The following RNF6 variants were observed in gnomAD, a reference collection of about 807,000 sequenced individuals.
The protein encoded by RNF6 is ring finger protein 6.
RNF6 carries 21 observed loss-of-function variants against 50.1 expected under a neutral mutation model. The observed-to-expected ratio is 0.42, with a 90% CI of 0.30 to 0.60. The LOEUF is 0.60. Ranked by LOEUF, RNF6 falls within the 20% of genes least tolerant of loss-of-function variation. The pLI, the probability that RNF6 is intolerant of heterozygous loss-of-function variation, is 0.20. For synonymous variants in RNF6, 255 were observed against 291.8 expected, an observed-to-expected ratio of 0.87 and a Z score of 1.29; for missense variants, 698 against 838.2, an observed-to-expected ratio of 0.83 and a Z score of 2.07.
intron 5 of RNF6, among the ~76,000 whole-genome samples, chr13:26,173,742 G>A (rs904136847): frequency 6.6e-6 from 1 of 152,018 alleles, no homozygotes; most frequent in Non-Finnish European, 1.5e-5. Context: ...CACAAGGTCA[G>A]GAGATCGAGA....
chr13:26,174,923 G>A (rs773018801), intron 5 of RNF6, among the ~76,000 whole-genome samples: 7 of 152,216 alleles, frequency 4.6e-5, no homozygotes, highest in South Asian at 2.1e-4. Flanking sequence ...TAACGGCCTC[G>A]GTTGAACTTA....
chr13:26,172,779 G>A lies in RNF6; in HGVS notation n.769-40328C>T, dbSNP rs1432863178. The stretch of plus-strand genomic sequence containing the variant: ...AGGATGGTCTCGATCTCCTGACCTC[G>A]TGATCCGCCCACCTCGGCCTCCCAA... On this transcript the variant is annotated intron_variant and non_coding_transcript_variant, in intron 5 of 5. Coordinates refer to the RNF6 transcript ENST00000468480. 4.6e-5 allele frequency among the ~76,000 whole-genome samples: 7 copies of A among 152,090 alleles called. No homozygotes were observed. In the South Asian group the frequency reaches 8.3e-4, roughly 18 times the overall value.
intron 5 of RNF6, among the ~76,000 whole-genome samples, chr13:26,159,921 A>G (rs1291538020): frequency 1.3e-5 from 2 of 152,186 alleles, no homozygotes; most frequent in East Asian, 3.9e-4. Flanking sequence ...GCTTCAACAT[A>G]CAAGAATACT....
At chr13:26,175,893 T>C (rs1407123747) in intron 5 of RNF6, among the ~76,000 whole-genome samples, 4 of 152,084 alleles carry the variant, frequency 2.6e-5, no homozygotes, top group Non-Finnish European at 5.9e-5. Context: ...ATTCTTAAAA[T>C]GTAGTATCAG....
intron 5 of RNF6, among the ~76,000 whole-genome samples, chr13:26,198,216 T>C (rs1868754027): frequency 6.6e-6 from 1 of 151,602 alleles, no homozygotes; most frequent in Admixed American, 6.6e-5. Context: ...AAGTTTGGTA[T>C]AGCCAAAATT....
intron 5 of RNF6, among the ~76,000 whole-genome samples, chr13:26,133,426 C>A (rs1237289898): frequency 1.3e-5 from 2 of 152,188 alleles, no homozygotes; most frequent in Non-Finnish European, 2.9e-5. Flanking sequence ...CCTATTCTCT[C>A]TCTTCTCCTT....
At chr13:26,175,161 A>T (rs1872891543) in intron 5 of RNF6, among the ~76,000 whole-genome samples, 1 of 151,614 alleles carries the variant, frequency 6.6e-6, no homozygotes, top group Non-Finnish European at 1.5e-5. Context: ...GCTCACTGCA[A>T]CCTCCACCTC....
In RNF6 at chr13:26,213,658, A is replaced by T; in HGVS notation, c.*166T>A. On this transcript the variant is annotated 3_prime_UTR_variant, in exon 5 of 5. Transcript: ENST00000381588. ...ATTTAACATTTGTATTTTAAATTTTATATAAATTTCTTTTTAACAAGTTTA... is the reference window on the plus strand; with the variant it reads ...ATTTAACATTTGTATTTTAAATTTTTTATAAATTTCTTTTTAACAAGTTTA... The T allele has an allele frequency of 2.1e-6, 1 of 466,286 alleles. No individual in the cohort carries two copies. Among genetic ancestry groups the T allele is most frequent in the Non-Finnish European group, 3.7e-6 (1 of 271,844 alleles). The allele number at this position is 466,286 out of a possible 1,614,324, so 28.9% of individuals were successfully genotyped here.
At chr13:26,197,523 C>A (rs115886566) in intron 5 of RNF6, among the ~76,000 whole-genome samples, 4 of 151,672 alleles carry the variant, frequency 2.6e-5, no homozygotes, top group Non-Finnish European at 5.9e-5. Context: ...ATTGGCCAAC[C>A]CTTGTACCCA....
chr13:26,215,440 G>T lies in RNF6; in HGVS notation c.442C>A (p.Arg148=). Residue 148 remains arginine (R), a synonymous_variant, in exon 5 of 5, where the codon CGG becomes AGG. Transcript: ENST00000381588. ...TTTACGTGGATTTCCAAACTAAACC[G>T]AAACTCTCCATTGTTCGGGTTTGTT... ...SRTNPNNGEF[R]FSLEIHVNHE... The T allele has an allele frequency of 3.1e-6, 5 of 1,614,116 alleles. No individual in the cohort carries two copies. Among genetic ancestry groups the T allele is most frequent in the Non-Finnish European group, 4.2e-6 (5 of 1,180,020 alleles).
chr13:26,158,926 G>A (rs1252006693), intron 5 of RNF6, among the ~76,000 whole-genome samples: 1 of 151,970 alleles, frequency 6.6e-6, no homozygotes, highest in African/African-American at 2.4e-5. Context: ...TTTATGATCT[G>A]GAACCTTGTG....
intron 5 of RNF6, among the ~76,000 whole-genome samples, chr13:26,153,201 T>G (rs1274567747): frequency 6.6e-6 from 1 of 151,220 alleles, no homozygotes; most frequent in African/African-American, 2.4e-5. Flanking sequence ...ATATTTTATT[T>G]TATTTTATTT....
intron 5 of RNF6, among the ~76,000 whole-genome samples, chr13:26,133,805 C>T (rs557971361): frequency 7.9e-5 from 12 of 152,106 alleles, no homozygotes; most frequent in African/African-American, 2.4e-4. Context: ...TAAAATCTCT[C>T]GGATAATTCT....
At chr13:26,195,208 T>C (rs1256257519) in intron 5 of RNF6, among the ~76,000 whole-genome samples, 1 of 152,154 alleles carries the variant, frequency 6.6e-6, no homozygotes, top group Non-Finnish European at 1.5e-5. Flanking sequence ...ATGGAAATCC[T>C]AAGAATCAAA....
intron 2 of RNF6, among the ~76,000 whole-genome samples, chr13:26,220,046 A>T (rs1870316471): frequency 6.6e-6 from 1 of 152,230 alleles, no homozygotes; most frequent in Non-Finnish European, 1.5e-5. Context: ...TTTAGGCTTG[A>T]ATTATGCACA....
chr13:26,143,601 G>T (rs1429168822), intron 5 of RNF6, among the ~76,000 whole-genome samples: 1 of 152,144 alleles, frequency 6.6e-6, no homozygotes, highest in Non-Finnish European at 1.5e-5. Context: ...TTGGTTCATG[G>T]ACCTGTGACT....
At chr13:26,192,463 A>G (rs2137687384) in intron 5 of RNF6, among the ~76,000 whole-genome samples, 1 of 152,368 alleles carries the variant, frequency 6.6e-6, no homozygotes, top group African/African-American at 2.4e-5. Flanking sequence ...TCTGGTATTC[A>G]TGCCCTTGTG....
intron 5 of RNF6, among the ~76,000 whole-genome samples, chr13:26,144,641 G>T (rs1871136854): frequency 6.6e-6 from 1 of 152,196 alleles, no homozygotes; most frequent in African/African-American, 2.4e-5. Context: ...GCCCCAGAAA[G>T]GGGATGTAGT....
intron 3 of RNF6, chr13:26,219,242 A>T: frequency 2.2e-6 from 1 of 456,878 alleles, no homozygotes; most frequent in South Asian, 4.4e-5. Flanking sequence ...TGGCATTTGT[A>T]TAATAGTGCT....
Sources: gnomAD v4.1 joint callset for allele counts (sites outside exome capture counted in the v4.1 genomes callset) on GRCh38, gnomAD v4.1.1 for gene constraint, MANE v1.5 for transcripts, NCBI Gene and HGNC (gene_info 2026-07-23, HGNC 2026-07-21) for gene names.